The following PTPRD variants were observed in gnomAD, a reference collection of about 807,000 sequenced individuals.
PTPRD encodes receptor-type tyrosine-protein phosphatase delta.
In PTPRD, 34 loss-of-function variants were observed where a neutral mutation model predicts 214.5. The observed-to-expected ratio is 0.16, with a 90% CI of 0.12 to 0.21. The LOEUF (loss-of-function observed/expected upper bound fraction) is 0.21, where lower values mean the gene tolerates loss of function less well. Ranked by LOEUF, PTPRD falls within the 10% of genes least tolerant of loss-of-function variation. PTPRD has a pLI of 1.00. For missense variants in PTPRD, 2,545 were observed against 2,398.7 expected (o/e 1.06, Z -1.27); for synonymous variants, 1,128 against 845.7 (o/e 1.33, Z -5.79).
intron 37 of PTPRD, among the ~76,000 whole-genome samples, chr9:8,385,649 C>G (rs1256021869): frequency 6.6e-6 from 1 of 152,114 alleles, no homozygotes; most frequent in Non-Finnish European, 1.5e-5. Flanking sequence ...TAAAACTGAA[C>G]AATAAGGAAA....
intron 12 of PTPRD, among the ~76,000 whole-genome samples, chr9:8,685,225 C>A (rs760269281): frequency 1.3e-5 from 2 of 151,072 alleles, no homozygotes; most frequent in African/African-American, 4.9e-5. Flanking sequence ...AACAAAAAGG[C>A]CTCTACAAAG....
At chr9:9,665,206 A>C (rs1367108850) in intron 7 of PTPRD, among the ~76,000 whole-genome samples, 1 of 151,766 alleles carries the variant, frequency 6.6e-6, no homozygotes, top group African/African-American at 2.4e-5. Context: ...GCAAAGAGCC[A>C]ACTTTCTTGT....
chr9:9,817,587 C>G (rs2049175498), intron 5 of PTPRD, among the ~76,000 whole-genome samples: 1 of 152,112 alleles, frequency 6.6e-6, no homozygotes, highest in Non-Finnish European at 1.5e-5. Flanking sequence ...CCATAAAAAA[C>G]TGAATGTAAA....
At chr9:9,944,216 T>G (rs1191398348) in intron 4 of PTPRD, among the ~76,000 whole-genome samples, 1 of 152,136 alleles carries the variant, frequency 6.6e-6, no homozygotes, top group African/African-American at 2.4e-5. Context: ...TTCACAGATG[T>G]CAATCACTAC....
intron 3 of PTPRD, among the ~76,000 whole-genome samples, chr9:10,083,164 T>A (rs1196049563): frequency 2.0e-5 from 3 of 152,016 alleles, no homozygotes; most frequent in African/African-American, 7.2e-5. Flanking sequence ...CCTGACCCTC[T>A]TAGTCCCCAG....
At chr9:8,490,935 C>T (rs1459299064) in intron 27 of PTPRD, among the ~76,000 whole-genome samples, 2 of 152,106 alleles carry the variant, frequency 1.3e-5, no homozygotes, top group East Asian at 3.9e-4. Context: ...ATTAGGAGCT[C>T]ACATCTGTGA....
chr9:8,411,110 A>C (rs1469845530), intron 35 of PTPRD, among the ~76,000 whole-genome samples: 1 of 151,988 alleles, frequency 6.6e-6, no homozygotes. Context: ...TTTTTAACTC[A>C]GTAGGCCAAC....
At chr9:9,268,836 TA>T (rs1423704740) in intron 9 of PTPRD, among the ~76,000 whole-genome samples, 1 of 150,678 alleles carries the variant, frequency 6.6e-6, no homozygotes, top group Non-Finnish European at 1.5e-5. Flanking sequence ...ATTCTTTTTT[TA>T]TATTACACCA....
chr9:9,217,671 T>C (rs1312835273), intron 9 of PTPRD, among the ~76,000 whole-genome samples: 1 of 152,096 alleles, frequency 6.6e-6, no homozygotes, highest in Admixed American at 6.6e-5. Context: ...AAGTCCAGAC[T>C]TCCTTTTTAT....
chr9:9,935,358 C>G (rs2088799968), intron 5 of PTPRD, among the ~76,000 whole-genome samples: 1 of 152,164 alleles, frequency 6.6e-6, no homozygotes, highest in African/African-American at 2.4e-5. Flanking sequence ...TCTCCTTAAG[C>G]TGATAAGCGA....
intron 8 of PTPRD, among the ~76,000 whole-genome samples, chr9:9,479,895 C>T (rs545805760): frequency 6.6e-6 from 1 of 152,182 alleles, no homozygotes; most frequent in African/African-American, 2.4e-5. Flanking sequence ...ACTGACAATA[C>T]TGAATGGTTA....
intron 39 of PTPRD, among the ~76,000 whole-genome samples, chr9:8,364,993 T>C (rs763326991): frequency 2.6e-5 from 4 of 152,120 alleles, no homozygotes; most frequent in Non-Finnish European, 5.9e-5. Flanking sequence ...TTTAATCAAA[T>C]TGATTTGAAC....
At chr9:8,611,008 T>C (rs1433976697) in intron 14 of PTPRD, among the ~76,000 whole-genome samples, 3 of 152,236 alleles carry the variant, frequency 2.0e-5, no homozygotes, top group Admixed American at 6.5e-5. Flanking sequence ...AAATATTATA[T>C]GGTCCTCCAT....
rs555218515 is a variant in PTPRD at position 8,930,005 on chromosome 9, C to T, written c.-104+88692G>A. ...CTTTAAGTTCTAGGATACATGTGCA[C>T]AACGTGCAGGTTTGTTACATATGTA... On this transcript the variant is annotated intron_variant, in intron 11 of 45. Coordinates refer to ENST00000381196, the MANE Select transcript of PTPRD (RefSeq NM_002839.4). 9.3e-5 allele frequency among the ~76,000 whole-genome samples: 14 copies of T among 151,144 alleles called. No individual in the cohort carries two copies. The East Asian group carries it at 2.7e-3, about 30-fold the overall frequency.
intron 11 of PTPRD, among the ~76,000 whole-genome samples, chr9:8,779,737 G>A (rs1181818201): frequency 4.0e-5 from 6 of 151,628 alleles, no homozygotes; most frequent in Admixed American, 2.6e-4. Context: ...CAGCCAAATC[G>A]TGGGGTTTTG....
intron 11 of PTPRD, among the ~76,000 whole-genome samples, chr9:8,907,160 A>G (rs1198431866): frequency 6.6e-6 from 1 of 152,090 alleles, no homozygotes; most frequent in Non-Finnish European, 1.5e-5. Context: ...ACACCAAATA[A>G]ACAACAAAAA....
chr9:9,085,226 A>G (rs560211535), intron 10 of PTPRD, among the ~76,000 whole-genome samples: 9 of 152,322 alleles, frequency 5.9e-5, no homozygotes, highest in African/African-American at 1.7e-4. Context: ...AAAGAAAGAT[A>G]GACACAAGAA....
chr9:9,503,828 C>G (rs2096497738), intron 8 of PTPRD, among the ~76,000 whole-genome samples: 1 of 151,666 alleles, frequency 6.6e-6, no homozygotes, highest in Non-Finnish European at 1.5e-5. Flanking sequence ...TCACAGAAGA[C>G]TGCAAAAACC....
rs373544487 is a variant in PTPRD, at chr9:8,341,965, G to T, written c.4675C>A (p.Arg1559=). 9.9e-6 allele frequency: 16 copies of T among 1,609,758 alleles called. No individual in the cohort carries two copies. The highest frequency in any genetic ancestry group is 1.7e-5 in the Admixed American group (1 of 59,592). The change falls in exon 40 of 46, where the codon CGG becomes AGG. Residue 1559 remains arginine, a synonymous_variant. Transcript: ENST00000381196. ...MVVHCSAGVG[R]TGCFIVIDAM... is the part of the protein sequence containing the mutation. The stretch of plus-strand genomic sequence containing the variant: ...TCTATGACGATGAAGCAACCAGTCC[G>T]GCCAACTCCCGCACTATGAGGAAAA...
Sources: allele counts gnomAD v4.1 joint callset (sites outside exome capture counted in the v4.1 genomes callset), GRCh38; gene constraint gnomAD v4.1.1; transcripts MANE v1.5; gene names NCBI Gene and HGNC (gene_info 2026-07-23, HGNC 2026-07-21).